Variants in AOPEP observed in about 807,000 individuals in gnomAD.
AOPEP encodes the protein aminopeptidase O.
Under a neutral mutation model 98.1 loss-of-function variants are expected in AOPEP, and 77 were observed. That is an observed-to-expected ratio of 0.78 (90% CI 0.65 to 0.95). The LOEUF (loss-of-function observed/expected upper bound fraction) is 0.95. Ranked by LOEUF, AOPEP falls within the 40% of genes least tolerant of loss-of-function variation. The pLI, the probability that AOPEP is intolerant of heterozygous loss-of-function variation, is 0.00. For synonymous variants in AOPEP, 346 were observed against 365.3 expected, an observed-to-expected ratio of 0.95 and a Z score of 0.60; for missense variants, 1,024 against 1,024.7, an observed-to-expected ratio of 1.00 and a Z score of 0.01.
At chr9:94,880,731 C>T (rs10821410) in intron 5 of AOPEP, among the ~76,000 whole-genome samples, 68,303 of 152,056 alleles carry the variant, frequency 0.45, 15,705 homozygotes, top group East Asian at 0.63. Context: ...TATTTACTGA[C>T]GTGTCCTTAA....
Position 94,760,364 on chromosome 9 carries a change from T to C in AOPEP, c.581T>C (p.Leu194Ser). 1 of 1,614,194 alleles carries C rather than the reference T, an allele frequency of 6.2e-7. No individual in the cohort carries two copies. The change falls in exon 2 of 17, where the codon TTG (leucine) becomes TCG (serine). Residue 194 changes from leucine (L) to serine (S), a missense_variant. By Grantham distance (145) the Leu-to-Ser change is moderately radical (BLOSUM62 -2). This residue lies in a region of AOPEP where 440 missense variants were observed against 433.8 expected (regional missense o/e 1.01). Transcript: ENST00000375315. ...RNQIVRELVT[L>S]PANRWREQLD... The stretch of plus-strand genomic sequence containing the variant: ...CAGATTGTACGTGAACTTGTGACTT[T>C]GCCTGCAAATCGTTGGAGGGAGCAG...
chr9:94,989,184 C>G (rs1253893730), intron 11 of AOPEP, among the ~76,000 whole-genome samples: 4 of 152,032 alleles, frequency 2.6e-5, no homozygotes, highest in Non-Finnish European at 5.9e-5. Context: ...TCACTGCAAG[C>G]TCTGCCTCCC....
intron 13 of AOPEP, among the ~76,000 whole-genome samples, chr9:95,009,251 T>A (rs868309663): frequency 4.0e-5 from 6 of 151,712 alleles, no homozygotes; most frequent in Middle Eastern, 3.4e-3. Flanking sequence ...AAGATAAAAT[T>A]GTGTGCCATC....
chr9:94,773,797 G>T (rs1841424295), intron 3 of AOPEP, among the ~76,000 whole-genome samples: 1 of 151,548 alleles, frequency 6.6e-6, no homozygotes, highest in South Asian at 2.1e-4. Context: ...ACAGGGTCTC[G>T]CTCTGTTGCC....
chr9:95,126,719 C>A, the AOPEP span: 1 of 838,888 alleles, frequency 1.2e-6, no homozygotes, highest in Non-Finnish European at 2.0e-6. Context: ...GAAGAACGAA[C>A]CACTGCTGTA....
intron 11 of AOPEP, among the ~76,000 whole-genome samples, chr9:94,986,190 C>T (rs2132249592): frequency 6.6e-6 from 1 of 152,294 alleles, no homozygotes; most frequent in East Asian, 1.9e-4. Context: ...CGGCCACCTT[C>T]TCATCATGTC....
chr9:94,814,375 G>C (rs1275486759), intron 5 of AOPEP, among the ~76,000 whole-genome samples: 1 of 152,200 alleles, frequency 6.6e-6, no homozygotes, highest in Non-Finnish European at 1.5e-5. Context: ...TGTACCCCAG[G>C]TATTTAATTT....
At chr9:94,979,502 A>G (rs1224123315) in intron 11 of AOPEP, 75 bp downstream of exon 11, 2 of 895,992 alleles carry the variant, frequency 2.2e-6, no homozygotes, top group Non-Finnish European at 1.8e-6. Flanking sequence ...CAATCATGAC[A>G]GTGATTTCTT....
intron 15 of AOPEP, 34 bp from the exon 16 acceptor site, chr9:95,082,541 T>C: frequency 6.2e-7 from 1 of 1,610,060 alleles, no homozygotes; most frequent in Admixed American, 1.7e-5. Flanking sequence ...ACCCACACCT[T>C]CGCCTGATGC....
chr9:94,788,183 A>G (rs577205329), intron 3 of AOPEP, among the ~76,000 whole-genome samples: 6 of 151,932 alleles, frequency 3.9e-5, no homozygotes, highest in Admixed American at 2.0e-4. Flanking sequence ...TGATCCTCCT[A>G]CCTCAGCCTC....
chr9:94,863,933 C>G, intron 5 of AOPEP, among the ~76,000 whole-genome samples: 1 of 152,150 alleles, frequency 6.6e-6, no homozygotes, highest in East Asian at 1.9e-4. Flanking sequence ...CCTAGTGACA[C>G]TTAGCTGCAA....
intron 5 of AOPEP, among the ~76,000 whole-genome samples, chr9:94,859,720 C>T (rs2044690486): frequency 6.6e-6 from 1 of 152,152 alleles, no homozygotes; most frequent in Admixed American, 6.5e-5. Context: ...AGGGCATGGG[C>T]TTTGGGGTCA....
chr9:94,841,752 A>T (rs939255511), intron 5 of AOPEP, among the ~76,000 whole-genome samples: 1 of 152,130 alleles, frequency 6.6e-6, no homozygotes, highest in Admixed American at 6.5e-5. Context: ...TGTGTACTTT[A>T]AAAGAATATC....
intron 5 of AOPEP, among the ~76,000 whole-genome samples, chr9:94,830,111 G>A (rs895632734): frequency 6.6e-6 from 1 of 152,132 alleles, no homozygotes; most frequent in African/African-American, 2.4e-5. Flanking sequence ...CGTGTGCCAT[G>A]GTGGTTTACT....
chr9:95,023,015 C>T (rs929086274), intron 13 of AOPEP, among the ~76,000 whole-genome samples: 2 of 152,156 alleles, frequency 1.3e-5, no homozygotes, highest in African/African-American at 4.8e-5. Context: ...ATTGAAATCC[C>T]ACCTTTTTGC....
At chr9:94,753,308 T>A (rs1310025567) in intron 1 of AOPEP, among the ~76,000 whole-genome samples, 1 of 152,200 alleles carries the variant, frequency 6.6e-6, no homozygotes, top group Non-Finnish European at 1.5e-5. Context: ...ATATTGACTT[T>A]AAAAAAGTTG....
intron 13 of AOPEP, among the ~76,000 whole-genome samples, chr9:95,032,146 C>A (rs1441804604): frequency 6.6e-6 from 1 of 152,240 alleles, no homozygotes; most frequent in African/African-American, 2.4e-5. Context: ...AGCCTGCAAA[C>A]ACACTTTATC....
downstream of AOPEP, among the ~76,000 whole-genome samples, chr9:95,090,066 C>T (rs151064286): frequency 4.6e-5 from 7 of 152,310 alleles, no homozygotes; most frequent in African/African-American, 1.7e-4. Flanking sequence ...CATGGCTATG[C>T]CCTGAGGCTG....
At chr9:94,783,503 T>TG (rs2133217239) in intron 3 of AOPEP, among the ~76,000 whole-genome samples, 1 of 152,290 alleles carries the variant, frequency 6.6e-6, no homozygotes, top group Non-Finnish European at 1.5e-5. Context: ...GCTATGGGTA[T>TG]TCACGAGGGT....
Sources: allele counts gnomAD v4.1 joint callset (sites outside exome capture counted in the v4.1 genomes callset), GRCh38; gene constraint gnomAD v4.1.1; regional missense constraint gnomAD v4.1.1; transcripts MANE v1.5; gene names NCBI Gene and HGNC (gene_info 2026-07-23, HGNC 2026-07-21).